The following LCOR variants were observed in gnomAD, a reference collection of about 807,000 sequenced individuals.
LCOR encodes ligand dependent nuclear receptor corepressor.
LCOR carries 14 observed loss-of-function variants against 64.4 expected under a neutral mutation model. The observed-to-expected ratio is 0.22, with a 90% CI of 0.14 to 0.34. The LOEUF (loss-of-function observed/expected upper bound fraction) is 0.34, where lower values mean the gene tolerates loss of function less well. Ranked by LOEUF, LCOR falls within the 10% of genes least tolerant of loss-of-function variation. The pLI is 1.00. For synonymous variants in LCOR, 643 were observed against 642.5 expected (o/e 1.00, Z -0.01); for missense variants, 1,686 against 1,765.3 (o/e 0.96, Z 0.80).
intron 2 of LCOR, among the ~76,000 whole-genome samples, chr10:96,869,228 G>A (rs1273201259): frequency 6.6e-6 from 1 of 151,618 alleles, no homozygotes; most frequent in Non-Finnish European, 1.5e-5. Flanking sequence ...TTGTTTTGGC[G>A]GGGGGTCAGA....
chr10:96,832,696 C>T lies in LCOR; in HGVS notation c.-404+297C>T, dbSNP rs1041198493. On this transcript the variant is annotated intron_variant, in intron 1 of 7. Transcript: ENST00000421806. ...CTCTCCATCCCCGCCTGCTCGCTCC[C>T]CTCCCTCCCCGCTCCCGCCCCTGCT... 4.5e-4 allele frequency among the ~76,000 whole-genome samples: 68 copies of T among 150,792 alleles called. 2 individuals carry two copies. Among genetic ancestry groups the T allele is most frequent in the African/African-American group, 2.4e-5 (1 of 41,194 alleles).
chr10:96,993,499 T>C lies in LCOR; in HGVS notation c.*8365T>C, dbSNP rs927249847. ...TCGTCTAAATGTTCACAAGAAGTAA[T>C]GTTGTAAATAGTTTTCTAAAAATAT... On this transcript the variant is annotated 3_prime_UTR_variant, in exon 8 of 8. Coordinates refer to ENST00000421806, the MANE Select transcript of LCOR (RefSeq NM_001346516.2). 7.9e-5 allele frequency: 12 copies of C among 152,174 alleles called. No homozygotes were observed. The highest frequency in any genetic ancestry group is 2.9e-4 in the African/African-American group (12 of 41,442). The allele number at this position is 152,174 out of a possible 1,614,324, so 9.4% of individuals were successfully genotyped here. A position where few individuals can be genotyped will look rare whatever the true frequency, so the allele number is the denominator to read the frequency against.
Position 96,983,234 on chromosome 10 carries a change from G to A in LCOR, c.2774G>A (p.Gly925Glu). The A allele has an allele frequency of 6.2e-7, 1 of 1,614,180 alleles. No individual in the cohort carries two copies. Among genetic ancestry groups the A allele is most frequent in the Non-Finnish European group, 8.5e-7 (1 of 1,180,046 alleles). Residue 925 changes from glycine to glutamate, a missense_variant, in exon 8 of 8, where the codon GGA (glycine) becomes GAA (glutamate). Around this residue, in one of 3 missense-constraint regions of LCOR, gnomAD observed 1,293 missense variants for 1,410.4 expected, o/e 0.92. Coordinates refer to ENST00000421806, the MANE Select transcript of LCOR (RefSeq NM_001346516.2). The surrounding 1 kb of genome is among the most constrained non-coding windows in gnomAD (Gnocchi z 4.5). Reference sequence around the variant, plus strand: ...GACAAAGAAGTCAAGGAGTTACGAGGAGAGATTTTCCCCAGCAGGGACCCC... The same window carrying A: ...GACAAAGAAGTCAAGGAGTTACGAGAAGAGATTTTCCCCAGCAGGGACCCC... ...MLDKEVKELR[G>E]EIFPSRDPIT...
At chr10:96,850,733 C>T (rs78430051) in intron 2 of LCOR, among the ~76,000 whole-genome samples, 2,690 of 152,242 alleles carry the variant, frequency 0.018, 41 homozygotes, top group Non-Finnish European at 0.026. Flanking sequence ...CAGGCATGAG[C>T]GACTGTGCTG....
intron 4 of LCOR, among the ~76,000 whole-genome samples, chr10:96,908,947 C>G (rs1846779875): frequency 6.6e-6 from 1 of 151,994 alleles, no homozygotes; most frequent in African/African-American, 2.4e-5. Flanking sequence ...GATCTCCTGA[C>G]CTTGTGATCC....
chr10:96,980,162 C>G (rs377233684), intron 7 of LCOR, among the ~76,000 whole-genome samples: 4 of 145,724 alleles, frequency 2.7e-5, no homozygotes, highest in Admixed American at 2.1e-4. Flanking sequence ...CAAAACAAAA[C>G]AAAAAAAAAA....
chr10:96,868,358 T>G (rs1311626156), intron 2 of LCOR, among the ~76,000 whole-genome samples: 4 of 150,774 alleles, frequency 2.7e-5, no homozygotes, highest in Non-Finnish European at 1.5e-5. Flanking sequence ...CATTGCAACC[T>G]CCGCCTTCCA....
intron 2 of LCOR, among the ~76,000 whole-genome samples, chr10:96,836,447 A>G (rs1845443089): frequency 6.6e-6 from 1 of 152,102 alleles, no homozygotes; most frequent in African/African-American, 2.4e-5. Context: ...TGTTTTTAGG[A>G]TGAAGGGCAG....
intron 2 of LCOR, among the ~76,000 whole-genome samples, chr10:96,863,003 C>T (rs898321985): frequency 2.0e-5 from 3 of 151,298 alleles, no homozygotes; most frequent in Admixed American, 2.0e-4. Context: ...GCCTCAGCCT[C>T]CCAGGTAGCT....
intron 4 of LCOR, among the ~76,000 whole-genome samples, chr10:96,930,221 G>A (rs1564629178): frequency 6.6e-6 from 1 of 152,202 alleles, no homozygotes; most frequent in Non-Finnish European, 1.5e-5. Flanking sequence ...AGGTGTGCCT[G>A]TGTTGTATGC....
rs779845490 is a variant in LCOR at position 96,984,232 on chromosome 10, T to G, written c.3772T>G (p.Trp1258Gly). Residue 1258 changes from tryptophan to glycine, a missense_variant, in exon 8 of 8, where the codon TGG becomes GGG. This residue lies in a region of LCOR where 1,293 missense variants were observed against 1,410.4 expected (regional missense o/e 0.92). Transcript: ENST00000421806. The part of the protein sequence containing the change: ...AKNNWKMQKL[W>G]AKFRENPDQV... Reference sequence around the variant, plus strand: ...GAATAATTGGAAAATGCAGAAGCTCTGGGCCAAATTTCGAGAGAATCCTGA... The same window carrying G: ...GAATAATTGGAAAATGCAGAAGCTCGGGGCCAAATTTCGAGAGAATCCTGA... 30 of 1,614,006 alleles carry G rather than the reference T, an allele frequency of 1.9e-5. 1 individual carries two copies. The South Asian group carries it at 3.3e-4, about 18-fold the overall frequency.
chr10:96,855,392 C>T (rs1330230000), intron 2 of LCOR, among the ~76,000 whole-genome samples: 1 of 152,018 alleles, frequency 6.6e-6, no homozygotes, highest in Admixed American at 6.6e-5. Flanking sequence ...TTACCTGGAA[C>T]CAAAAGTTTT....
chr10:96,938,060 T>C (rs1241896479), intron 4 of LCOR, among the ~76,000 whole-genome samples: 1 of 152,170 alleles, frequency 6.6e-6, no homozygotes, highest in Non-Finnish European at 1.5e-5. Context: ...CAGGAAATAC[T>C]CCTGCCTCAG....
At chr10:96,906,431 TA>T (rs1400352497) in intron 2 of LCOR, among the ~76,000 whole-genome samples, 2 of 152,220 alleles carry the variant, frequency 1.3e-5, no homozygotes, top group Non-Finnish European at 1.5e-5. Context: ...GTATGTTGTA[TA>T]AAGATACAGT....
chr10:96,945,646 C>G (rs566880255), intron 5 of LCOR, among the ~76,000 whole-genome samples: 11 of 152,218 alleles, frequency 7.2e-5, no homozygotes, highest in African/African-American at 2.6e-4. Context: ...GCAGTTCTAT[C>G]AGTTTGCTTA....
intron 4 of LCOR, among the ~76,000 whole-genome samples, chr10:96,917,287 T>TA (rs1437918973): frequency 6.6e-6 from 1 of 152,212 alleles, no homozygotes; most frequent in African/African-American, 2.4e-5. Context: ...CCAGAGAAGA[T>TA]AACAGAGAAG....
chr10:96,961,949 A>G (rs1287506789), intron 7 of LCOR: 1 of 151,824 alleles, frequency 6.6e-6, no homozygotes, highest in East Asian at 1.9e-4. Context: ...CACTGTCATT[A>G]AGAAAGCGCT....
At chr10:96,941,851 G>A (rs1847489262) in intron 4 of LCOR, among the ~76,000 whole-genome samples, 9 of 109,522 alleles carry the variant, frequency 8.2e-5, no homozygotes, top group Middle Eastern at 4.7e-3. Flanking sequence ...ATGGGCGGCC[G>A]GGCAGAGACG....
rs1445565563 is a variant in LCOR at position 96,983,255 on chromosome 10, A to G, written c.2795A>G (p.Asp932Gly). Residue 932 changes from aspartate to glycine, a missense_variant, in exon 8 of 8, where the codon GAC becomes GGC. This residue lies in a region of LCOR where 1,293 missense variants were observed against 1,410.4 expected (regional missense o/e 0.92). Coordinates refer to ENST00000421806, the MANE Select transcript of LCOR (RefSeq NM_001346516.2). The surrounding 1 kb of genome is among the most constrained non-coding windows in gnomAD (Gnocchi z 4.5). ...ELRGEIFPSRDPITTAGQPLP... is the reference protein window; with the variant it reads ...ELRGEIFPSRGPITTAGQPLP... Reference sequence around the variant, plus strand: ...CGAGGAGAGATTTTCCCCAGCAGGGACCCCATAACCACAGCTGGACAGCCA... The same window carrying G: ...CGAGGAGAGATTTTCCCCAGCAGGGGCCCCATAACCACAGCTGGACAGCCA... 3.7e-6 allele frequency: 6 copies of G among 1,614,060 alleles called. No individual in the cohort carries two copies. The African/African-American group carries it at 4.0e-5, about 11-fold the overall frequency.
Sources: allele counts gnomAD v4.1 joint callset (sites outside exome capture counted in the v4.1 genomes callset), GRCh38; gene constraint gnomAD v4.1.1; regional missense constraint gnomAD v4.1.1; non-coding constraint Gnocchi (gnomAD v3.1); transcripts MANE v1.5; gene names NCBI Gene and HGNC (gene_info 2026-07-23, HGNC 2026-07-21).